The following SGIP1 variants were observed in gnomAD, a reference collection of about 807,000 sequenced individuals.
SGIP1 encodes the protein SH3-containing GRB2-like protein 3-interacting protein 1.
In SGIP1, 38 loss-of-function variants were observed where a neutral mutation model predicts 107.5. The ratio of observed to expected loss-of-function variants is 0.35; its 90% CI spans 0.27 to 0.46. The LOEUF is 0.46. Ranked by LOEUF, SGIP1 falls within the 20% of genes least tolerant of loss-of-function variation. SGIP1 has a pLI of 1.00. For missense variants in SGIP1, 929 were observed against 1,019.5 expected, an observed-to-expected ratio of 0.91 and a Z score of 1.21; for synonymous variants, 365 against 366.1, an observed-to-expected ratio of 1.00 and a Z score of 0.03.
At chr1:66,633,727 T>C (rs2075259719) in intron 3 of SGIP1, among the ~76,000 whole-genome samples, 1 of 152,130 alleles carries the variant, frequency 6.6e-6, no homozygotes, top group African/African-American at 2.4e-5. Flanking sequence ...TACGGGAGTC[T>C]GCACCGACTC....
chr1:66,599,978 C>T lies in SGIP1; in HGVS notation c.11-25869C>T, dbSNP rs551502156. On this transcript the variant is annotated intron_variant, in intron 1 of 24. Transcript: ENST00000371037. ...ATACCATCTTTGTAACCCAGAGGGG[C>T]GGGCAGTATTAAAACCCAAGGTCCA... 4.6e-5 allele frequency among the ~76,000 whole-genome samples: 7 copies of T among 152,236 alleles called. No individual in the cohort carries two copies. In the East Asian group the frequency reaches 7.7e-4, roughly 17 times the overall value.
At chr1:66,677,914 C>G (rs1220230184) in intron 13 of SGIP1, among the ~76,000 whole-genome samples, 1 of 152,214 alleles carries the variant, frequency 6.6e-6, no homozygotes, top group Non-Finnish European at 1.5e-5. Flanking sequence ...AGTTCAGCAT[C>G]TCCAGAGCTT....
intron 3 of SGIP1, 94 bp downstream of exon 3, chr1:66,633,188 A>G (rs185575784): frequency 1.1e-3 from 870 of 827,762 alleles, no homozygotes; most frequent in Non-Finnish European, 1.5e-3. Context: ...TGTAGGGAAA[A>G]AAATAGCTTG....
rs961973579 is a variant in SGIP1 at position 66,684,922 on chromosome 1, G to A, written c.1315+2553G>A. On this transcript the variant is annotated intron_variant, in intron 15 of 24. Transcript: ENST00000371037. Reference sequence around the variant, plus strand: ...AGCTGGAAAAAGCTTGACTTTACTGGTATTTAAAGATTGGATTTCTACGTA... The same window carrying A: ...AGCTGGAAAAAGCTTGACTTTACTGATATTTAAAGATTGGATTTCTACGTA... 1.3e-4 allele frequency among the ~76,000 whole-genome samples: 20 copies of A among 152,224 alleles called. 1 individual carries two copies. Among genetic ancestry groups the A allele is most frequent in the Admixed American group, 9.8e-4 (15 of 15,292 alleles).
At chr1:66,630,804 A>C (rs1051483334) in intron 2 of SGIP1, among the ~76,000 whole-genome samples, 2 of 5,728 alleles carry the variant, frequency 3.5e-4, no homozygotes, top group African/African-American at 2.0e-3. Context: ...AAAACTCCGG[A>C]AAGAAAGAAA....
intron 15 of SGIP1, 80 bp from the exon 16 acceptor site, chr1:66,689,068 C>T: frequency 2.1e-6 from 3 of 1,406,482 alleles, no homozygotes; most frequent in Non-Finnish European, 2.8e-6. Context: ...AAAAAAATGT[C>T]CGGGACTGGC....
rs765743090 is a variant in SGIP1, at chr1:66,585,490, G to A, written c.11-40357G>A. ...TTTGGATCTGCAGATTTTAAAGTCC[G>A]TGAGAAAGCAGGGTGACTCTTTAAG... On this transcript the variant is annotated intron_variant, in intron 1 of 24. Transcript: ENST00000371037. 6.7e-4 allele frequency among the ~76,000 whole-genome samples: 102 copies of A among 151,912 alleles called. 2 individuals are homozygous for A. The highest frequency in any genetic ancestry group is 1.1e-3 in the African/African-American group (46 of 41,388).
At chr1:66,649,521 C>T (rs973389085) in intron 7 of SGIP1, among the ~76,000 whole-genome samples, 35 of 152,248 alleles carry the variant, frequency 2.3e-4, no homozygotes, top group Admixed American at 1.7e-3. Context: ...GACCACTCTC[C>T]CTAAAGGAGG....
chr1:66,673,296 T>A lies in SGIP1; in HGVS notation c.576T>A (p.Asp192Glu), dbSNP rs772231202. 2 of 1,614,096 alleles carry A rather than the reference T, an allele frequency of 1.2e-6. No homozygotes were observed. The highest frequency in any genetic ancestry group is 2.2e-5 in the South Asian group (2 of 91,056). Residue 192 changes from aspartate (D) to glutamate (E), a missense_variant, in exon 12 of 25, where the codon GAT (aspartate) becomes GAA (glutamate). By Grantham distance (45) the Asp-to-Glu change is conservative. Coordinates refer to ENST00000371037, the MANE Select transcript of SGIP1 (RefSeq NM_032291.4). ...TPELISKKPPDDTTALAPLFG... is the reference protein window; with the variant it reads ...TPELISKKPPEDTTALAPLFG... ...TGTGATTTAGCAAAAAGCCTCCAGA[T>A]GACACTACGGCCCTTGCTCCTCTCT...
At chr1:66,580,108 T>C (rs1039977362) in intron 1 of SGIP1, among the ~76,000 whole-genome samples, 3 of 152,136 alleles carry the variant, frequency 2.0e-5, no homozygotes, top group Non-Finnish European at 4.4e-5. Flanking sequence ...GTTACCTACA[T>C]GACAAGCAGG....
chr1:66,660,197 A>AAAAG (rs2081122280), intron 7 of SGIP1: 2 of 218,262 alleles, frequency 9.2e-6, no homozygotes, highest in Non-Finnish European at 1.5e-5. Flanking sequence ...GAAAGAAAGA[A>AAAAG]AGAAAGAAAG....
intron 19 of SGIP1, among the ~76,000 whole-genome samples, chr1:66,726,789 AT>A (rs576682337): frequency 9.2e-5 from 14 of 151,970 alleles, no homozygotes; most frequent in South Asian, 2.1e-4. Context: ...AAACTCAAAG[AT>A]TTTTTTTTAA....
chr1:66,735,933 T>G (rs553511424), intron 21 of SGIP1, among the ~76,000 whole-genome samples: 30 of 151,920 alleles, frequency 2.0e-4, no homozygotes, highest in African/African-American at 2.9e-4. Flanking sequence ...TATAATTTTT[T>G]ATTAAATATG....
At chr1:66,625,027 C>T (rs573061308) in intron 1 of SGIP1, among the ~76,000 whole-genome samples, 6 of 152,200 alleles carry the variant, frequency 3.9e-5, no homozygotes, top group Non-Finnish European at 7.4e-5. Flanking sequence ...AATGAGGGAG[C>T]CTTGGCCTTT....
chr1:66,695,401 C>T, intron 17 of SGIP1, 33 bp from the exon 18 acceptor site: 1 of 1,614,048 alleles, frequency 6.2e-7, no homozygotes. Flanking sequence ...TTCCTTAACC[C>T]TTCCCATCCC....
chr1:66,606,465 AG>A lies in SGIP1; in HGVS notation c.11-19381del, dbSNP rs377179338. 2.4e-4 allele frequency among the ~76,000 whole-genome samples: 36 copies of A among 152,276 alleles called. No individual in the cohort carries two copies. In the South Asian group the frequency reaches 7.1e-3, roughly 30 times the overall value. ...CTTTGAAAGCTGCAGGTCCAGCAAA[AG>A]CACGGTGGCTGTGTAATAGGAACAG... On this transcript the variant is annotated intron_variant, in intron 1 of 24. Coordinates refer to ENST00000371037, the MANE Select transcript of SGIP1 (RefSeq NM_032291.4).
chr1:66,727,770 AAAT>A (rs2093824844), intron 19 of SGIP1, among the ~76,000 whole-genome samples: 1 of 152,206 alleles, frequency 6.6e-6, no homozygotes, highest in Non-Finnish European at 1.5e-5. Flanking sequence ...AAGAAACAAA[AAAT>A]CACACACCTT....
At position 66,744,944 on chromosome 1, in the gene SGIP1, A is replaced by G. The variant is rs1360400800; in HGVS notation, c.*1849A>G. On this transcript the variant is annotated 3_prime_UTR_variant, in exon 25 of 25. Transcript: ENST00000371037. ...CTAAATTCCATGAAACATGGAATTT[A>G]TGACACCAAAATCAATGGAGAGTAA... 1 of 152,510 alleles carries G rather than the reference A, an allele frequency of 6.6e-6. No individual in the cohort carries two copies. Among genetic ancestry groups the G allele is most frequent in the Non-Finnish European group, 1.5e-5 (1 of 67,928 alleles). The allele number at this position is 152,510 out of a possible 1,614,324, so 9.4% of individuals were successfully genotyped here.
At chr1:66,740,222 C>A (rs1442184212) in intron 22 of SGIP1, among the ~76,000 whole-genome samples, 1 of 152,158 alleles carries the variant, frequency 6.6e-6, no homozygotes, top group East Asian at 1.9e-4. Context: ...GTGCCTATAT[C>A]ATCTATTATA....
Sources: allele counts gnomAD v4.1 joint callset (sites outside exome capture counted in the v4.1 genomes callset), GRCh38; gene constraint gnomAD v4.1.1; transcripts MANE v1.5; gene names NCBI Gene and HGNC (gene_info 2026-07-23, HGNC 2026-07-21).